The following ANAPC1 variants were observed in gnomAD, a reference collection of about 807,000 sequenced individuals.
ANAPC1 encodes anaphase-promoting complex subunit 1.
In ANAPC1, 36 loss-of-function variants were observed where a neutral mutation model predicts 208.0. The observed-to-expected ratio is 0.17, with a 90% CI of 0.13 to 0.23. The LOEUF is 0.23. Ranked by LOEUF, ANAPC1 falls within the 10% of genes least tolerant of loss-of-function variation. The pLI is 1.00. For synonymous variants in ANAPC1, 378 were observed against 695.2 expected, an observed-to-expected ratio of 0.54 and a Z score of 7.18; for missense variants, 942 against 2,011.6, an observed-to-expected ratio of 0.47 and a Z score of 10.17.
intron 33 of ANAPC1, among the ~76,000 whole-genome samples, chr2:111,801,698 G>C (rs1449666211): frequency 6.6e-6 from 1 of 151,260 alleles, no homozygotes; most frequent in Non-Finnish European, 1.5e-5. Context: ...GTTGGGAACC[G>C]TCTTACTCAT....
intron 17 of ANAPC1, among the ~76,000 whole-genome samples, chr2:111,841,804 C>T (rs964332483): frequency 6.6e-6 from 1 of 151,944 alleles, no homozygotes; most frequent in African/African-American, 2.4e-5. Context: ...ACATGAAATA[C>T]GAATCAAAAA....
intron 16 of ANAPC1, among the ~76,000 whole-genome samples, chr2:111,844,878 C>T (rs1243789017): frequency 1.3e-5 from 2 of 152,152 alleles, no homozygotes; most frequent in Non-Finnish European, 1.5e-5. Context: ...ACAGGGTCTT[C>T]CTCTGTCCCC....
intron 20 of ANAPC1, among the ~76,000 whole-genome samples, chr2:111,832,894 C>T (rs868453178): frequency 2.6e-4 from 37 of 143,352 alleles, no homozygotes; most frequent in Middle Eastern, 3.8e-3. Flanking sequence ...GCCAAGATCG[C>T]GCCACTGCAC....
Position 111,863,873 on chromosome 2 carries a change from A to T in ANAPC1, c.854T>A (p.Phe285Tyr). Residue 285 changes from phenylalanine to tyrosine, a missense_variant, in exon 9 of 48, where the codon TTC becomes TAC. Coordinates refer to ENST00000341068, the MANE Select transcript of ANAPC1 (RefSeq NM_022662.4). ...CTGTGGGGTTCCCCCCTGTTCAGAG[A>T]ACTTTAAAACAACATTCTCTTCCTT... Reference protein sequence around the residue: ...KSEEENVVLKFSEQGGTPQNV... With the variant: ...KSEEENVVLKYSEQGGTPQNV... 6.2e-7 allele frequency: 1 copy of T among 1,608,618 alleles called. No homozygotes were observed. The highest frequency in any genetic ancestry group is 8.5e-7 in the Non-Finnish European group (1 of 1,178,344).
chr2:111,770,765 C>G (rs1676693222), intron 47 of ANAPC1, among the ~76,000 whole-genome samples: 1 of 143,896 alleles, frequency 6.9e-6, no homozygotes, highest in Non-Finnish European at 1.5e-5. Context: ...TTCCATTTAA[C>G]TCTTTTTTAT....
In ANAPC1 at chr2:111,843,453, T is replaced by C. The variant is rs765989849; in HGVS notation, c.1999A>G (p.Met667Val). 2 of 1,611,904 alleles carry C rather than the reference T, an allele frequency of 1.2e-6. No homozygotes were observed. The highest frequency in any genetic ancestry group is 1.7e-5 in the Admixed American group (1 of 60,002). The stretch of plus-strand genomic sequence containing the variant: ...AAGCGGTCTGTGTTATAACCCATCA[T>C]GTTCATGAGACAAGTCACAAATAAA... ...WNLFVTCLMN[M>V]MGYNTDRLAW... Residue 667 changes from methionine to valine, a missense_variant, in exon 17 of 48, where the codon ATG (methionine) becomes GTG (valine). By Grantham distance (21) the Met-to-Val change is conservative. Coordinates refer to ENST00000341068, the MANE Select transcript of ANAPC1 (RefSeq NM_022662.4).
chr2:111,869,152 C>A (rs1682596268), intron 6 of ANAPC1, among the ~76,000 whole-genome samples: 2 of 152,176 alleles, frequency 1.3e-5, no homozygotes, highest in African/African-American at 4.8e-5. Flanking sequence ...TGATAACATT[C>A]CTGTAACGCG....
At chr2:111,837,566 G>A (rs1435248400) in intron 18 of ANAPC1, among the ~76,000 whole-genome samples, 22 of 152,164 alleles carry the variant, frequency 1.4e-4, no homozygotes, top group Admixed American at 7.9e-4. Context: ...AGCCGACATC[G>A]TGCCACTGCA....
intron 17 of ANAPC1, among the ~76,000 whole-genome samples, chr2:111,840,018 T>C (rs1183313793): frequency 6.6e-6 from 1 of 152,186 alleles, no homozygotes; most frequent in African/African-American, 2.4e-5. Flanking sequence ...AGGAACAATC[T>C]GTTTTGTCTG....
chr2:111,785,882 G>T (rs1010965789), intron 39 of ANAPC1, among the ~76,000 whole-genome samples: 3 of 150,780 alleles, frequency 2.0e-5, no homozygotes, highest in Non-Finnish European at 4.4e-5. Flanking sequence ...TAGGGAAGAA[G>T]GGGGAAGACA....
At chr2:111,772,056 A>T (rs1217877707) in intron 47 of ANAPC1, among the ~76,000 whole-genome samples, 4 of 133,056 alleles carry the variant, frequency 3.0e-5, no homozygotes, top group Non-Finnish European at 6.8e-5. Flanking sequence ...TAGCTTTAAT[A>T]AAAAAATCAA....
chr2:111,820,410 C>T (rs1573389737), intron 26 of ANAPC1, among the ~76,000 whole-genome samples: 1 of 150,784 alleles, frequency 6.6e-6, no homozygotes, highest in African/African-American at 2.4e-5. Context: ...AGGCCATGCT[C>T]ATAAATCCTA....
At chr2:111,875,706 A>T (rs1682988886) in intron 3 of ANAPC1, among the ~76,000 whole-genome samples, 1 of 152,164 alleles carries the variant, frequency 6.6e-6, no homozygotes. Flanking sequence ...TTAAAATCCA[A>T]ATTCCTTGGT....
chr2:111,829,308 A>G (rs1299353356), intron 21 of ANAPC1, among the ~76,000 whole-genome samples: 3 of 152,204 alleles, frequency 2.0e-5, no homozygotes, highest in Admixed American at 6.5e-5. Context: ...CAGAAACATC[A>G]TTCTGTATGT....
chr2:111,850,940 A>G lies in ANAPC1; in HGVS notation c.1516-30T>C. On this transcript the variant is annotated intron_variant, in intron 13 of 47. Transcript: ENST00000341068. ...AAGCAATAAAAACATGTGGAAAAAA[A>G]AATATTGCCTTTAATGCATCATATC... 3 of 1,585,132 alleles carry G rather than the reference A, an allele frequency of 1.9e-6. No homozygotes were observed. In the East Asian group the frequency reaches 6.7e-5, roughly 35 times the overall value.
At chr2:111,883,463 G>C (rs369574688) in intron 1 of ANAPC1, among the ~76,000 whole-genome samples, 1 of 149,930 alleles carries the variant, frequency 6.7e-6, no homozygotes, top group African/African-American at 2.5e-5. Flanking sequence ...ACAGCTACAC[G>C]TAAAAATACT....
At position 111,856,699 on chromosome 2, in the gene ANAPC1, A is replaced by G; in HGVS notation, c.1450-20T>C. ...TATTTTCTAAAAAAACAAAAAAGACAAAAAATTTATTTCCCAATCTGAGCA... is the reference window on the plus strand; with the variant it reads ...TATTTTCTAAAAAAACAAAAAAGACGAAAAATTTATTTCCCAATCTGAGCA... On this transcript the variant is annotated intron_variant, in intron 12 of 47. Transcript: ENST00000341068. 1.9e-6 allele frequency: 3 copies of G among 1,613,826 alleles called. No homozygotes were observed. The highest frequency in any genetic ancestry group is 2.5e-6 in the Non-Finnish European group (3 of 1,179,786).
Position 111,872,642 on chromosome 2 carries a change from G to A in ANAPC1, c.599C>T (p.Pro200Leu). The A allele has an allele frequency of 2.5e-6, 4 of 1,612,064 alleles. No individual in the cohort carries two copies. Among genetic ancestry groups the A allele is most frequent in the Non-Finnish European group, 3.4e-6 (4 of 1,178,284 alleles). The change falls in exon 6 of 48, where the codon CCA becomes CTA. Residue 200 changes from proline to leucine, a missense_variant. Transcript: ENST00000341068. ...ERSASSHEVP[P>L]GSPREPLPTM... Reference sequence around the variant, plus strand: ...ATAAAATGAATACCTGGGTGAACCTGGAGGTACTTCATGTGAAGAAGCGCT... The same window carrying A: ...ATAAAATGAATACCTGGGTGAACCTAGAGGTACTTCATGTGAAGAAGCGCT...
chr2:111,820,168 G>C (rs1679447297), intron 26 of ANAPC1, among the ~76,000 whole-genome samples: 1 of 152,054 alleles, frequency 6.6e-6, no homozygotes, highest in Non-Finnish European at 1.5e-5. Context: ...ATTAAAAAGT[G>C]AAAAAACTTG....
Sources: gnomAD v4.1 joint callset for allele counts (sites outside exome capture counted in the v4.1 genomes callset) on GRCh38, gnomAD v4.1.1 for gene constraint, MANE v1.5 for transcripts, NCBI Gene and HGNC (gene_info 2026-07-23, HGNC 2026-07-21) for gene names.